The following DNAH2 variants were observed in gnomAD, a reference collection of about 807,000 sequenced individuals.
The protein encoded by DNAH2 is dynein axonemal heavy chain 2.
A neutral mutation model predicts 523.5 loss-of-function variants in DNAH2; 323 were observed. The ratio of observed to expected loss-of-function variants is 0.62; its 90% CI spans 0.56 to 0.68. The LOEUF is 0.68. Among genes scored for constraint, DNAH2 ranks in the 30% least tolerant of loss-of-function variants. DNAH2 has a pLI of 0.00. For synonymous variants in DNAH2, 2,093 were observed against 2,177.4 expected, an observed-to-expected ratio of 0.96 and a Z score of 1.08; for missense variants, 4,907 against 5,701.5, an observed-to-expected ratio of 0.86 and a Z score of 4.49.
At position 7,817,422 on chromosome 17, in the gene DNAH2, T is replaced by C. The variant is rs376714344; in HGVS notation, c.10020+7T>C. ...CCAAATCTGGATCGGGAAGGTGAGATGGGACTCAGGCATGACAAGTAGGCT... is the reference window on the plus strand; with the variant it reads ...CCAAATCTGGATCGGGAAGGTGAGACGGGACTCAGGCATGACAAGTAGGCT... On this transcript the variant is annotated splice_region_variant and intron_variant, in intron 65 of 85. Transcript: ENST00000572933. 3 of 1,613,766 alleles carry C rather than the reference T, an allele frequency of 1.9e-6. No homozygotes were observed. Among genetic ancestry groups the C allele is most frequent in the Non-Finnish European group, 2.5e-6 (3 of 1,179,994 alleles).
In DNAH2 at chr17:7,754,407, C is replaced by T. The variant is rs1352677595; in HGVS notation, c.1905-2684C>T. ...TAAGGTGCAGACATGGCCAAGTCCA[C>T]ACCATACACCACCAGTCCCGAAAAT... On this transcript the variant is annotated intron_variant, in intron 12 of 85. Transcript: ENST00000572933. The surrounding 1 kb of genome is among the most constrained non-coding windows in gnomAD (Gnocchi z 4.6). The T allele has an allele frequency of 1.6e-6, 1 of 625,768 alleles. No homozygotes were observed. Among genetic ancestry groups the T allele is most frequent in the Admixed American group, 2.4e-5 (1 of 40,846 alleles). The allele number at this position is 625,768 out of a possible 1,614,324, so 38.8% of individuals were successfully genotyped here. A position where few individuals can be genotyped will look rare whatever the true frequency, so the allele number is the denominator to read the frequency against.
rs1426214545 is a variant in DNAH2, at chr17:7,719,946, G to A, written c.166+46G>A. On this transcript the variant is annotated intron_variant, in intron 2 of 85. Transcript: ENST00000572933. ...AGGATGCTTAGCAATGGAGGGTGGG[G>A]AAAGTCAGAGGGGCTTGGAGGCATT... The A allele has an allele frequency of 4.1e-6, 6 of 1,455,288 alleles. No individual in the cohort carries two copies. In the East Asian group the frequency reaches 1.5e-4, roughly 36 times the overall value. The allele number at this position is 1,455,288 out of a possible 1,614,324, so 90.1% of individuals were successfully genotyped here. A position where few individuals can be genotyped will look rare whatever the true frequency, so the allele number is the denominator to read the frequency against.
At chr17:7,812,370 C>T (rs2077539829) in intron 63 of DNAH2, among the ~76,000 whole-genome samples, 1 of 152,126 alleles carries the variant, frequency 6.6e-6, no homozygotes, top group Admixed American at 6.5e-5. Context: ...GTGATCCTAG[C>T]TCTTTGGGAG....
intron 11 of DNAH2, among the ~76,000 whole-genome samples, chr17:7,741,628 G>T (rs2075355563): frequency 6.6e-6 from 1 of 151,610 alleles, no homozygotes; most frequent in Non-Finnish European, 1.5e-5. Context: ...AAAGTGCTGG[G>T]ATTACAGGCG....
rs1210948195 is a variant in DNAH2 at position 7,739,096 on chromosome 17, C to CG, written c.1171-633dup. ...CTCCCACCCCAGGAACCAGGGCAAA[C>CG]GGGGCAGAGGCTAAATATTGAACTT... On this transcript the variant is annotated intron_variant, in intron 8 of 85. Transcript: ENST00000572933. The CG allele has an allele frequency of 4.4e-6, 3 of 678,020 alleles. No homozygotes were observed. The South Asian group carries it at 4.6e-5, about 10-fold the overall frequency. 42.0% of individuals were successfully genotyped at this position (678,020 alleles called of 1,614,324 possible).
chr17:7,817,211 A>C, intron 64 of DNAH2, 79 bp from the exon 65 acceptor site: 1 of 1,528,126 alleles, frequency 6.5e-7, no homozygotes, highest in Non-Finnish European at 8.7e-7. Flanking sequence ...TGTCCAGAAG[A>C]GGGTGCCTTC....
intron 56 of DNAH2, among the ~76,000 whole-genome samples, chr17:7,800,904 G>C (rs191894589): frequency 1.3e-5 from 2 of 149,350 alleles, no homozygotes; most frequent in African/African-American, 4.9e-5. Flanking sequence ...ACCGAGTCTT[G>C]CTCTGTTGCC....
At chr17:7,804,490 C>T (rs369301262) in intron 59 of DNAH2, 24 bp downstream of exon 59, 38 of 1,609,418 alleles carry the variant, frequency 2.4e-5, no homozygotes, top group African/African-American at 5.3e-5. Flanking sequence ...GCCCACCCCC[C>T]GTGCCCCACT....
At chr17:7,747,826 A>G (rs2075559748) in intron 12 of DNAH2, among the ~76,000 whole-genome samples, 2 of 152,200 alleles carry the variant, frequency 1.3e-5, no homozygotes, top group African/African-American at 2.4e-5. Context: ...CCAGTAAATA[A>G]TGGAAGGGAA....
At chr17:7,728,723 G>A (rs1052266273) in intron 4 of DNAH2, among the ~76,000 whole-genome samples, 3 of 152,148 alleles carry the variant, frequency 2.0e-5, no homozygotes, top group Non-Finnish European at 4.4e-5. Flanking sequence ...TTTGGCTCAT[G>A]CCTGTAATCC....
intron 35 of DNAH2, among the ~76,000 whole-genome samples, chr17:7,779,036 CT>C (rs1028975692): frequency 2.0e-5 from 3 of 152,146 alleles, no homozygotes; most frequent in Non-Finnish European, 4.4e-5. Flanking sequence ...CAACCCACAC[CT>C]TTTCTAGCAT....
chr17:7,752,194 C>CACAA (rs1260874729), intron 12 of DNAH2, among the ~76,000 whole-genome samples: 1 of 151,556 alleles, frequency 6.6e-6, no homozygotes, highest in Admixed American at 6.6e-5. Context: ...CACACACACA[C>CACAA]AATTTCTGAT....
intron 63 of DNAH2, among the ~76,000 whole-genome samples, chr17:7,814,269 G>C (rs2077599522): frequency 9.0e-6 from 1 of 111,364 alleles, no homozygotes; most frequent in Non-Finnish European, 1.9e-5. Context: ...ATAGTGTTGT[G>C]GTTATGCAGA....
At chr17:7,770,154 G>C in intron 24 of DNAH2, 98 bp from the exon 25 acceptor site, 1 of 1,434,068 alleles carries the variant, frequency 7.0e-7, no homozygotes. Flanking sequence ...GTTGAATCAT[G>C]AATTGGTAAC....
chr17:7,766,711 A>C (rs2076179354), intron 22 of DNAH2, among the ~76,000 whole-genome samples: 1 of 140,300 alleles, frequency 7.1e-6, no homozygotes, highest in African/African-American at 2.6e-5. Flanking sequence ...GCAGTGGCAC[A>C]ATCTCGGCTC....
At chr17:7,724,011 G>A (rs992113498) in intron 3 of DNAH2, among the ~76,000 whole-genome samples, 1 of 152,062 alleles carries the variant, frequency 6.6e-6, no homozygotes, top group African/African-American at 2.4e-5. Flanking sequence ...TGTCCTAATT[G>A]GATACTAATT....
chr17:7,755,673 G>A (rs1174681192), intron 12 of DNAH2, among the ~76,000 whole-genome samples: 3 of 152,102 alleles, frequency 2.0e-5, no homozygotes, highest in African/African-American at 4.8e-5. Flanking sequence ...GACGTGGAGC[G>A]GTTGTGAACA....
At chr17:7,724,778 C>T (rs1290865994) in intron 3 of DNAH2, among the ~76,000 whole-genome samples, 6 of 125,554 alleles carry the variant, frequency 4.8e-5, no homozygotes, top group East Asian at 5.5e-4. Context: ...GTCTTGCTTC[C>T]GTCGAGCAGG....
chr17:7,818,688 C>T lies in DNAH2; in HGVS notation c.10582C>T (p.Pro3528Ser). Residue 3528 changes from proline (P) to serine (S), a missense_variant, in exon 70 of 86, where the codon CCT becomes TCT. This residue lies in a region of DNAH2 where 1,851 missense variants were observed against 2,139.4 expected (regional missense o/e 0.87). Transcript: ENST00000572933. ...LLGIVVRKERPELEEQKDSLV... is the reference protein window; with the variant it reads ...LLGIVVRKERSELEEQKDSLV... ...GGGCATTGTGGTGCGGAAGGAGCGG[C>T]CTGAGCTGGAGGAGCAGAAGGACTC... 1 of 1,614,080 alleles carries T rather than the reference C, an allele frequency of 6.2e-7. No homozygotes were observed. Among genetic ancestry groups the T allele is most frequent in the South Asian group, 1.1e-5 (1 of 91,082 alleles).
Sources: allele counts gnomAD v4.1 joint callset (sites outside exome capture counted in the v4.1 genomes callset), GRCh38; gene constraint gnomAD v4.1.1; regional missense constraint gnomAD v4.1.1; non-coding constraint Gnocchi (gnomAD v3.1); transcripts MANE v1.5; gene names NCBI Gene and HGNC (gene_info 2026-07-23, HGNC 2026-07-21).